Variants in MOB3B observed in about 807,000 individuals in gnomAD.
The protein encoded by MOB3B is MOB kinase activator 3B, also known as MOB kinase activator-like 2B.
Under a neutral mutation model 18.7 loss-of-function variants are expected in MOB3B, and 7 were observed. The observed-to-expected ratio is 0.37, with a 90% CI of 0.21 to 0.70. The LOEUF (loss-of-function observed/expected upper bound fraction) is 0.70. Among genes scored for constraint, MOB3B ranks in the 30% least tolerant of loss-of-function variants. The probability of loss-of-function intolerance (pLI) is 0.52; values close to 1 mark genes in which losing one functional copy is unlikely to be tolerated. For synonymous variants in MOB3B, 111 were observed against 99.9 expected, an observed-to-expected ratio of 1.11 and a Z score of -0.66; for missense variants, 253 against 281.3, an observed-to-expected ratio of 0.90 and a Z score of 0.72.
chr9:27,358,408 G>C (rs1159437167), intron 3 of MOB3B, among the ~76,000 whole-genome samples: 1 of 152,094 alleles, frequency 6.6e-6, no homozygotes, highest in East Asian at 1.9e-4. Context: ...AATAAAAGTA[G>C]TCCCCATTCA....
chr9:27,439,985 T>C (rs1319714423), intron 2 of MOB3B, among the ~76,000 whole-genome samples: 1 of 152,106 alleles, frequency 6.6e-6, no homozygotes, highest in Non-Finnish European at 1.5e-5. Flanking sequence ...AAGGTAGCAA[T>C]GTAAAGCACC....
At chr9:27,416,011 A>T (rs1464311345) in intron 2 of MOB3B, among the ~76,000 whole-genome samples, 1 of 152,236 alleles carries the variant, frequency 6.6e-6, no homozygotes, top group East Asian at 1.9e-4. Flanking sequence ...AAGGAAAAAC[A>T]TTCAAACTTT....
chr9:27,455,509 G>A lies in MOB3B; in HGVS notation c.42C>T (p.Thr14=). Residue 14 remains threonine, a synonymous_variant, in exon 2 of 4, where the codon ACC becomes ACT. Transcript: ENST00000262244. ...GTTCAAATTTCCTCTTGGGTCGGAA[G>A]GTCTTGTCCTTGTTGAATACCTGCT... is the stretch of plus-strand genomic sequence containing the variant. The part of the protein sequence containing the change: ...ALKQVFNKDK[T]FRPKRKFEPG... 1 of 1,614,184 alleles carries A rather than the reference G, an allele frequency of 6.2e-7. No individual in the cohort carries two copies. Among genetic ancestry groups the A allele is most frequent in the African/African-American group, 1.3e-5 (1 of 75,048 alleles).
chr9:27,347,696 T>C (rs1208474347), intron 3 of MOB3B, among the ~76,000 whole-genome samples: 2 of 152,220 alleles, frequency 1.3e-5, no homozygotes, highest in Non-Finnish European at 2.9e-5. Context: ...CAAGCTCCAT[T>C]CATGGCAAAT....
At chr9:27,336,774 G>T (rs946270798) in intron 3 of MOB3B, among the ~76,000 whole-genome samples, 2 of 152,112 alleles carry the variant, frequency 1.3e-5, no homozygotes, top group Non-Finnish European at 2.9e-5. Context: ...CCGCACACGT[G>T]TATACTCATG....
At chr9:27,424,746 G>T (rs921901914) in intron 2 of MOB3B, among the ~76,000 whole-genome samples, 1 of 152,120 alleles carries the variant, frequency 6.6e-6, no homozygotes, top group African/African-American at 2.4e-5. Context: ...AGACTGGAAA[G>T]CCAATCTGCC....
intron 1 of MOB3B, among the ~76,000 whole-genome samples, chr9:27,484,951 T>G (rs918235881): frequency 2.0e-5 from 3 of 152,158 alleles, no homozygotes; most frequent in African/African-American, 7.2e-5. Flanking sequence ...AATGGAAACT[T>G]GACTCCCAGC....
chr9:27,420,579 A>G (rs1822231540), intron 2 of MOB3B, among the ~76,000 whole-genome samples: 2 of 126,784 alleles, frequency 1.6e-5, no homozygotes, highest in African/African-American at 6.0e-5. Context: ...ATATATATAT[A>G]TATATATATA....
intron 2 of MOB3B, among the ~76,000 whole-genome samples, chr9:27,404,324 TTTCTTTCTTTCC>T (rs1821933058): frequency 6.6e-6 from 1 of 151,178 alleles, no homozygotes; most frequent in Non-Finnish European, 1.5e-5. Context: ...ATTTTCTTTC[TTTCTTTCTTTCC>T]TTCTTTCTTT....
intron 1 of MOB3B, among the ~76,000 whole-genome samples, chr9:27,466,066 G>T (rs1419468919): frequency 6.6e-6 from 1 of 152,132 alleles, no homozygotes; most frequent in Non-Finnish European, 1.5e-5. Flanking sequence ...CAAAAAATGG[G>T]TTTTTCTTTT....
At chr9:27,362,628 G>T (rs1393536443) in intron 2 of MOB3B, among the ~76,000 whole-genome samples, 1 of 152,076 alleles carries the variant, frequency 6.6e-6, no homozygotes, top group African/African-American at 2.4e-5. Flanking sequence ...GTTGAGACAT[G>T]TTCAGCATGC....
intron 2 of MOB3B, among the ~76,000 whole-genome samples, chr9:27,392,712 C>A (rs1821743506): frequency 6.6e-6 from 1 of 152,146 alleles, no homozygotes; most frequent in Non-Finnish European, 1.5e-5. Context: ...AGTGGAGAGA[C>A]CAGTGTTTTG....
chr9:27,476,154 C>T (rs776995300), intron 1 of MOB3B, among the ~76,000 whole-genome samples: 10 of 152,254 alleles, frequency 6.6e-5, no homozygotes, highest in African/African-American at 2.4e-4. Context: ...GTTTCTACAA[C>T]ATGCCAAGTC....
intron 3 of MOB3B, among the ~76,000 whole-genome samples, chr9:27,343,184 C>T (rs1008820471): frequency 6.6e-6 from 1 of 151,554 alleles, no homozygotes; most frequent in Non-Finnish European, 1.5e-5. Flanking sequence ...CCCCCAACCC[C>T]GTGCTCTCTG....
At chr9:27,522,579 T>C (rs1029987135) in intron 1 of MOB3B, among the ~76,000 whole-genome samples, 4 of 151,832 alleles carry the variant, frequency 2.6e-5, no homozygotes, top group African/African-American at 4.8e-5. Context: ...CTTACATATA[T>C]GTTTTCTACT....
At chr9:27,481,511 G>GTTTT (rs536716885) in intron 1 of MOB3B, among the ~76,000 whole-genome samples, 54 of 69,698 alleles carry the variant, frequency 7.7e-4, no homozygotes, top group Non-Finnish European at 1.5e-3. Flanking sequence ...TTTTTTTTTT[G>GTTTT]TTTTTTTTGT....
intron 2 of MOB3B, among the ~76,000 whole-genome samples, chr9:27,394,760 A>G (rs78840325): frequency 0.077 from 11,707 of 152,256 alleles, 526 homozygotes; most frequent in South Asian, 0.12. Context: ...ATTCTTCTTA[A>G]CTGACTTTTT....
chr9:27,524,941 C>G (rs1404744018), intron 1 of MOB3B: 3 of 1,598,916 alleles, frequency 1.9e-6, no homozygotes, highest in Non-Finnish European at 2.6e-6. Flanking sequence ...AAATTTACAG[C>G]TCTATTCAGG....
At position 27,326,774 on chromosome 9, in the gene MOB3B, A is replaced by G; in HGVS notation, c.*3813T>C. The G allele has an allele frequency of 2.5e-6, 1 of 395,518 alleles. No individual in the cohort carries two copies. The highest frequency in any genetic ancestry group is 4.5e-6 in the Non-Finnish European group (1 of 224,598). 24.5% of individuals were successfully genotyped at this position (395,518 alleles called of 1,614,324 possible). A position where few individuals can be genotyped will look rare whatever the true frequency, so the allele number is the denominator to read the frequency against. On this transcript the variant is annotated 3_prime_UTR_variant, in exon 4 of 4. Transcript: ENST00000262244. The stretch of plus-strand genomic sequence containing the variant: ...GACTCTAGATCAGTATTTCTCAATT[A>G]CAGCCGTGTAAGACATTTTCTTCCT...
Sources: gnomAD v4.1 joint callset for allele counts (sites outside exome capture counted in the v4.1 genomes callset) on GRCh38, gnomAD v4.1.1 for gene constraint, MANE v1.5 for transcripts, NCBI Gene and HGNC (gene_info 2026-07-23, HGNC 2026-07-21) for gene names.